PCGF5: variants seen among roughly 807,000 people sequenced by gnomAD.
PCGF5 encodes polycomb group RING finger protein 5.
In PCGF5, 9 loss-of-function variants were observed where a neutral mutation model predicts 44.3. The ratio of observed to expected loss-of-function variants is 0.20; its 90% CI spans 0.12 to 0.35. The LOEUF (loss-of-function observed/expected upper bound fraction) is 0.35, where lower values mean the gene tolerates loss of function less well. PCGF5 is among the 10% of genes least tolerant of loss of function. The pLI is 1.00. For synonymous variants in PCGF5, 95 were observed against 102.5 expected, an observed-to-expected ratio of 0.93 and a Z score of 0.44; for missense variants, 146 against 305.3, an observed-to-expected ratio of 0.48 and a Z score of 3.89.
intron 1 of PCGF5, among the ~76,000 whole-genome samples, chr10:91,174,072 C>T (rs1843660215): frequency 6.6e-6 from 1 of 151,054 alleles, no homozygotes; most frequent in African/African-American, 2.4e-5. Context: ...TTCACTGAAT[C>T]CTTCATGCCA....
chr10:91,246,891 A>G (rs1256324485), intron 3 of PCGF5, among the ~76,000 whole-genome samples: 1 of 152,132 alleles, frequency 6.6e-6, no homozygotes, highest in East Asian at 1.9e-4. Flanking sequence ...AATGTTTAGC[A>G]TCTGTTGGAA....
intron 6 of PCGF5, among the ~76,000 whole-genome samples, chr10:91,259,225 A>G (rs760564158): frequency 6.6e-6 from 1 of 152,150 alleles, no homozygotes; most frequent in Non-Finnish European, 1.5e-5. Context: ...TTCTTCCAGT[A>G]AAGTACTGGC....
At chr10:91,173,577 G>GTTTTTTTTTTTTT (rs1294760416) in intron 1 of PCGF5, among the ~76,000 whole-genome samples, 16 of 42,492 alleles carry the variant, frequency 3.8e-4, no homozygotes, top group African/African-American at 1.2e-3. Context: ...GAGGGAGTTG[G>GTTTTTTTTTTTTT]CTTTTTTTTT....
In PCGF5 at chr10:91,281,360, A is replaced by T. The variant is rs140071127; in HGVS notation, c.*3044A>T. 2.0e-3 allele frequency: 310 copies of T among 152,686 alleles called. 1 individual carries two copies. Among genetic ancestry groups the T allele is most frequent in the African/African-American group, 6.7e-3 (278 of 41,572 alleles). The allele number at this position is 152,686 out of a possible 1,614,324, so 9.5% of individuals were successfully genotyped here. The stretch of plus-strand genomic sequence containing the variant: ...CAACTACATTACACACTCAAATGTA[A>T]TCTAAATTTAAACTGATTATTTAAG... On this transcript the variant is annotated 3_prime_UTR_variant, in exon 10 of 10. Transcript: ENST00000336126.
chr10:91,217,945 CCTGG>C (rs1341144253), upstream of PCGF5, among the ~76,000 whole-genome samples: 1 of 152,168 alleles, frequency 6.6e-6, no homozygotes, highest in Non-Finnish European at 1.5e-5. Flanking sequence ...TGCCACCAAG[CCTGG>C]CTAATTTTGG....
chr10:91,213,974 G>C (rs1844497825), intron 1 of PCGF5, among the ~76,000 whole-genome samples: 2 of 152,064 alleles, frequency 1.3e-5, no homozygotes, highest in Admixed American at 1.3e-4. Flanking sequence ...TAATCAGTTT[G>C]GGCTCTTAAT....
chr10:91,244,562 T>C (rs898107115), intron 3 of PCGF5, among the ~76,000 whole-genome samples: 7 of 152,186 alleles, frequency 4.6e-5, no homozygotes. Context: ...ATTGATCCGA[T>C]ATGAACATGT....
rs1589369490 is a variant in PCGF5 at position 91,209,474 on chromosome 10, A to AATT, written c.-183-13215_-183-13214insATT. The stretch of plus-strand genomic sequence containing the variant: ...AAAAATTAGATTAAAAAGAAAAAGG[A>AATT]GGCCGGGCGCGGTGGCTCACGCCTG... On this transcript the variant is annotated intron_variant, in intron 1 of 9. Coordinates refer to the PCGF5 transcript ENST00000614189. Among the ~76,000 whole-genome samples, 11 of 38,442 alleles carry AATT rather than the reference A, an allele frequency of 2.9e-4. 1 individual carries two copies. The highest frequency in any genetic ancestry group is 1.2e-3 in the South Asian group (1 of 804). 25.2% of individuals were successfully genotyped at this position (38,442 alleles called of 152,430 possible). A position where few individuals can be genotyped will look rare whatever the true frequency, so the allele number is the denominator to read the frequency against.
chr10:91,268,245 T>C (rs1198231050), intron 8 of PCGF5, among the ~76,000 whole-genome samples: 1 of 152,298 alleles, frequency 6.6e-6, no homozygotes, highest in East Asian at 1.9e-4. Context: ...CCTCCAGTTG[T>C]CTACTTTCTT....
chr10:91,170,181 A>G lies in PCGF5; in HGVS notation c.-184+7100A>G, dbSNP rs370749383. ...AAAACTGTAAAACTCCTAGAAGATA[A>G]CATAGGAGAAAATCTGGATGACCTT... On this transcript the variant is annotated intron_variant, in intron 1 of 9. Transcript: ENST00000614189. Among the ~76,000 whole-genome samples, 9 of 152,340 alleles carry G rather than the reference A, an allele frequency of 5.9e-5. No individual in the cohort carries two copies. The East Asian group carries it at 1.2e-3, about 20-fold the overall frequency.
chr10:91,170,927 A>T (rs1195416674), intron 1 of PCGF5, among the ~76,000 whole-genome samples: 1 of 152,240 alleles, frequency 6.6e-6, no homozygotes, highest in Non-Finnish European at 1.5e-5. Context: ...ATAAATAGCT[A>T]TCAAGCCATG....
At chr10:91,229,860 AATGTT>A (rs1217221473) in intron 2 of PCGF5, among the ~76,000 whole-genome samples, 1 of 152,196 alleles carries the variant, frequency 6.6e-6, no homozygotes, top group Non-Finnish European at 1.5e-5. Context: ...GTGCAAATAT[AATGTT>A]TTAAGATATA....
intron 1 of PCGF5, among the ~76,000 whole-genome samples, chr10:91,192,667 C>T (rs892337463): frequency 6.6e-5 from 10 of 151,992 alleles, no homozygotes; most frequent in East Asian, 3.9e-4. Context: ...TATCAGGAAA[C>T]GACATACAAT....
At chr10:91,214,158 T>G (rs1015551243) in intron 1 of PCGF5, among the ~76,000 whole-genome samples, 5 of 151,960 alleles carry the variant, frequency 3.3e-5, no homozygotes, top group Non-Finnish European at 5.9e-5. Context: ...AAAAATTATC[T>G]GAGCATGGTG....
At chr10:91,231,356 T>C (rs1474798874) in intron 2 of PCGF5, among the ~76,000 whole-genome samples, 1 of 152,214 alleles carries the variant, frequency 6.6e-6, no homozygotes, top group African/African-American at 2.4e-5. Context: ...AAAGTCAAGC[T>C]GAGTAAAGGA....
chr10:91,256,389 A>G lies in PCGF5; in HGVS notation c.475-4937A>G, dbSNP rs552098397. 2.0e-5 allele frequency among the ~76,000 whole-genome samples: 3 copies of G among 152,176 alleles called. No individual in the cohort carries two copies. The South Asian group carries it at 6.2e-4, about 32-fold the overall frequency. ...GAAGTTAAATGAATTGAGATTATTCAGTCTGAGAAACAGAAAAATAGAATG... is the reference window on the plus strand; with the variant it reads ...GAAGTTAAATGAATTGAGATTATTCGGTCTGAGAAACAGAAAAATAGAATG... On this transcript the variant is annotated intron_variant, in intron 6 of 9. Transcript: ENST00000336126.
chr10:91,207,335 A>G (rs759138734), intron 1 of PCGF5, among the ~76,000 whole-genome samples: 1 of 152,204 alleles, frequency 6.6e-6, no homozygotes, highest in Non-Finnish European at 1.5e-5. Flanking sequence ...GAAATTCAAA[A>G]TCTACAGAAA....
At chr10:91,158,848 T>C (rs1174996349), upstream of PCGF5, among the ~76,000 whole-genome samples, 1 of 152,220 alleles carries the variant, frequency 6.6e-6, no homozygotes, top group African/African-American at 2.4e-5. Flanking sequence ...CTCAATATTT[T>C]TGGCCCTTTG....
At chr10:91,230,677 C>G (rs1307845047) in intron 2 of PCGF5, among the ~76,000 whole-genome samples, 2 of 152,254 alleles carry the variant, frequency 1.3e-5, no homozygotes, top group East Asian at 3.9e-4. Context: ...AAGATCTCGG[C>G]TCACTGCAAC....
Sources: gnomAD v4.1 joint callset for allele counts (sites outside exome capture counted in the v4.1 genomes callset) on GRCh38, gnomAD v4.1.1 for gene constraint, MANE v1.5 for transcripts, NCBI Gene and HGNC (gene_info 2026-07-23, HGNC 2026-07-21) for gene names.